CD8B2: variants seen among roughly 807,000 people sequenced by gnomAD.
CD8B2 encodes T-cell surface glycoprotein CD8 beta-2 chain.
A neutral mutation model predicts 23.7 loss-of-function variants in CD8B2; 11 were observed. The observed-to-expected ratio is 0.46, with a 90% confidence interval of 0.29 to 0.77. The LOEUF (loss-of-function observed/expected upper bound fraction) is 0.77. CD8B2 is among the 30% of genes least tolerant of loss of function. The pLI is 0.09. For missense variants in CD8B2, 197 were observed against 270.5 expected (o/e 0.73, Z 1.91); for synonymous variants, 90 against 109.3 (o/e 0.82, Z 1.10).
intron 5 of CD8B2, among the ~76,000 whole-genome samples, chr2:106,522,405 G>T (rs1679840729): frequency 6.6e-6 from 1 of 152,268 alleles, no homozygotes; most frequent in African/African-American, 2.4e-5. Flanking sequence ...TTAAATTTTT[G>T]TGAAGAATAA....
At chr2:106,524,205 G>A (rs1348187909) in intron 5 of CD8B2, among the ~76,000 whole-genome samples, 1 of 152,164 alleles carries the variant, frequency 6.6e-6, no homozygotes, top group African/African-American at 2.4e-5. Flanking sequence ...GCTGGTTATT[G>A]TAGATAAGGG....
At chr2:106,541,882 G>A (rs887841801) in intron 5 of CD8B2, among the ~76,000 whole-genome samples, 1 of 152,184 alleles carries the variant, frequency 6.6e-6, no homozygotes, top group Non-Finnish European at 1.5e-5. Context: ...TCTTGGCAGA[G>A]CTGTATCCAG....
chr2:106,526,989 G>A (rs890848996), intron 5 of CD8B2, among the ~76,000 whole-genome samples: 9 of 152,184 alleles, frequency 5.9e-5, no homozygotes, highest in Non-Finnish European at 1.5e-5. Context: ...TGGACATTTG[G>A]ATTATGTCTA....
chr2:106,491,122 C>T lies in CD8B2; in HGVS notation c.292C>T (p.Arg98Trp), dbSNP rs988755689. Residue 98 changes from arginine (R) to tryptophan (W), a missense_variant, in exon 2 of 6, where the codon CGG becomes TGG. Physicochemically the swap from Arg to Trp is moderately radical, Grantham distance 101 (BLOSUM62 -3). Around this residue, in one of 3 missense-constraint regions of CD8B2, gnomAD observed 140 missense variants for 164.2 expected, o/e 0.85. Coordinates refer to ENST00000643224, the MANE Select transcript of CD8B2 (RefSeq NM_001349727.2). ...EKIAVFRDAS[R>W]FILNLTSVKP... ...GATAGCTGTGTTTCGGGATGCAAGCCGGTTCATTCTCAATCTCACAAGCGT... is the reference window on the plus strand; with the variant it reads ...GATAGCTGTGTTTCGGGATGCAAGCTGGTTCATTCTCAATCTCACAAGCGT... 256 of 1,613,694 alleles carry T rather than the reference C, an allele frequency of 1.6e-4. No individual in the cohort carries two copies. The Admixed American group carries it at 2.2e-3, about 14-fold the overall frequency.
chr2:106,498,052 T>G (rs559857159), intron 3 of CD8B2, among the ~76,000 whole-genome samples: 1 of 152,212 alleles, frequency 6.6e-6, no homozygotes, highest in Non-Finnish European at 1.5e-5. Flanking sequence ...TTCATCTTCA[T>G]GTAAGGACAG....
At chr2:106,497,619 T>C (rs1344717459) in intron 3 of CD8B2, among the ~76,000 whole-genome samples, 1 of 152,160 alleles carries the variant, frequency 6.6e-6, no homozygotes, top group South Asian at 2.1e-4. Context: ...GTCTTAAATA[T>C]TTTAAGTACC....
chr2:106,538,251 T>C (rs1573353802), intron 5 of CD8B2, among the ~76,000 whole-genome samples: 1 of 152,166 alleles, frequency 6.6e-6, no homozygotes, highest in African/African-American at 2.4e-5. Context: ...GGCAGGGTGG[T>C]CAACTCAGGG....
downstream of CD8B2, among the ~76,000 whole-genome samples, chr2:106,513,104 C>T (rs901373575): frequency 2.0e-5 from 3 of 151,934 alleles, no homozygotes; most frequent in African/African-American, 7.3e-5. Context: ...ACCTCCTCTG[C>T]TGGCTCCCCC....
At chr2:106,520,623 G>A (rs1679808507) in intron 5 of CD8B2, among the ~76,000 whole-genome samples, 2 of 152,172 alleles carry the variant, frequency 1.3e-5, no homozygotes, top group Admixed American at 1.3e-4. Context: ...CGGGCATGGT[G>A]GCTCACACCT....
At chr2:106,487,916 G>T (rs1313395372) in intron 1 of CD8B2, among the ~76,000 whole-genome samples, 1 of 152,040 alleles carries the variant, frequency 6.6e-6, no homozygotes, top group Non-Finnish European at 1.5e-5. Context: ...AGACAAACAT[G>T]GGGCGTTCTC....
Position 106,507,995 on chromosome 2 carries a change from C to T in CD8B2, c.*1055C>T, listed in dbSNP as rs1679545953. The T allele has an allele frequency of 6.7e-6, 1 of 149,230 alleles. No homozygotes were observed. Among genetic ancestry groups the T allele is most frequent in the African/African-American group, 2.5e-5 (1 of 40,316 alleles). 9.2% of individuals were successfully genotyped at this position (149,230 alleles called of 1,614,324 possible). A position where few individuals can be genotyped will look rare whatever the true frequency, so the allele number is the denominator to read the frequency against. ...GTAGGAGGCATGAGGGGTTCTGTCA[C>T]ATGTCTCTTCATTTTCTTATTGATT... is the stretch of plus-strand genomic sequence containing the variant. On this transcript the variant is annotated 3_prime_UTR_variant, in exon 6 of 6. Coordinates refer to ENST00000643224, the MANE Select transcript of CD8B2 (RefSeq NM_001349727.2).
At chr2:106,502,235 C>G (rs1377089671) in intron 3 of CD8B2, among the ~76,000 whole-genome samples, 2 of 131,910 alleles carry the variant, frequency 1.5e-5, no homozygotes, top group Non-Finnish European at 3.1e-5. Flanking sequence ...GCGGAAGTTG[C>G]AGTGAGCTGA....
Position 106,496,246 on chromosome 2 carries a change from G to A in CD8B2, c.477G>A (p.Arg159=). The change falls in exon 3 of 6, where the codon AGG becomes AGA. Residue 159 remains arginine (R), a synonymous_variant. Transcript: ENST00000643224. The part of the protein sequence containing the change: ...TLKKRVCRLP[R]PETQKGPLCS... ...AGAAGAGAGTGTGCCGGTTACCCAG[G>A]CCAGAGACCCAGAAGGGTGAGTTCC... The A allele has an allele frequency of 6.5e-7, 1 of 1,536,834 alleles. No homozygotes were observed. The highest frequency in any genetic ancestry group is 1.2e-5 in the South Asian group (1 of 83,250).
intron 1 of CD8B2, among the ~76,000 whole-genome samples, chr2:106,488,305 C>G (rs1470018984): frequency 1.3e-5 from 2 of 151,036 alleles, no homozygotes; most frequent in African/African-American, 2.4e-5. Flanking sequence ...CTAGAAACAT[C>G]AGGTCCCTCT....
intron 5 of CD8B2, among the ~76,000 whole-genome samples, chr2:106,516,142 T>C (rs947235106): frequency 1.3e-5 from 2 of 152,166 alleles, no homozygotes; most frequent in Non-Finnish European, 2.9e-5. Context: ...GACTCCTTTT[T>C]TGAAGGTTTG....
At position 106,510,423 on chromosome 2, in the gene CD8B2, G is replaced by T. The variant is rs1679603033; in HGVS notation, c.*3483G>T. ...AACATTGTAGAACCGTGTAAAATTG[G>T]TATTTGGAAGTTTCTTCAGCAAGCA... On this transcript the variant is annotated 3_prime_UTR_variant, in exon 6 of 6. Coordinates refer to ENST00000643224, the MANE Select transcript of CD8B2 (RefSeq NM_001349727.2). 1 of 152,148 alleles carries T rather than the reference G, an allele frequency of 6.6e-6. No individual in the cohort carries two copies. The highest frequency in any genetic ancestry group is 6.5e-5 in the Admixed American group (1 of 15,276). 9.4% of individuals were successfully genotyped at this position (152,148 alleles called of 1,614,324 possible).
chr2:106,534,811 T>G (rs540442259), intron 5 of CD8B2, among the ~76,000 whole-genome samples: 5 of 93,654 alleles, frequency 5.3e-5, no homozygotes, highest in Non-Finnish European at 1.1e-4. Flanking sequence ...TGAGAAACAT[T>G]TTTGAGACCT....
chr2:106,519,795 A>G (rs983710877), intron 5 of CD8B2, among the ~76,000 whole-genome samples: 2 of 152,232 alleles, frequency 1.3e-5, no homozygotes, highest in African/African-American at 4.8e-5. Flanking sequence ...AAAGAAAAAA[A>G]TTGCAAAATA....
intron 2 of CD8B2, among the ~76,000 whole-genome samples, chr2:106,491,538 C>CT (rs909870204): frequency 6.6e-6 from 1 of 152,096 alleles, no homozygotes; most frequent in African/African-American, 2.4e-5. Context: ...TTGTGCTTCT[C>CT]TTTTTTATTT....
Sources: gnomAD v4.1 joint callset for allele counts (sites outside exome capture counted in the v4.1 genomes callset) on GRCh38, gnomAD v4.1.1 for gene constraint, gnomAD v4.1.1 regional missense constraint, MANE v1.5 for transcripts, NCBI Gene and HGNC (gene_info 2026-07-23, HGNC 2026-07-21) for gene names.